Variants in ARNT2 observed in about 807,000 individuals in gnomAD.
ARNT2 encodes the protein aryl hydrocarbon receptor nuclear translocator 2.
A neutral mutation model predicts 91.7 loss-of-function variants in ARNT2; 36 were observed. That is an observed-to-expected ratio of 0.39 (90% CI 0.30 to 0.52). The LOEUF is 0.52. ARNT2 is among the 20% of genes least tolerant of loss of function. The probability of loss-of-function intolerance (pLI) is 0.72; values close to 1 mark genes in which losing one functional copy is unlikely to be tolerated. For synonymous variants in ARNT2, 365 were observed against 347.1 expected (o/e 1.05, Z -0.57); for missense variants, 775 against 939.3 (o/e 0.83, Z 2.29).
chr15:80,518,194 C>G (rs1897472845), intron 8 of ARNT2, among the ~76,000 whole-genome samples: 1 of 151,664 alleles, frequency 6.6e-6, no homozygotes, highest in South Asian at 2.1e-4. Context: ...GCTATAGGTT[C>G]CAGAGGCTAT....
At position 80,497,913 on chromosome 15, in the gene ARNT2, A is replaced by G. The variant is rs146064172; in HGVS notation, c.623-10243A>G. On this transcript the variant is annotated intron_variant, in intron 5 of 18. Transcript: ENST00000303329. ...GGGGAAGGGAAGGACTTTCTAATAC[A>G]CTTCGTGTTGTGATTCCACTTTCGT... 7.9e-5 allele frequency among the ~76,000 whole-genome samples: 12 copies of G among 152,336 alleles called. No individual in the cohort carries two copies. In the East Asian group the frequency reaches 2.3e-3, roughly 29 times the overall value.
chr15:80,488,223 T>G (rs1035019221), intron 5 of ARNT2, among the ~76,000 whole-genome samples: 9 of 152,024 alleles, frequency 5.9e-5, no homozygotes, highest in Admixed American at 6.6e-5. Context: ...AAAGAGGGAG[T>G]AGGCGGTGAA....
In ARNT2 at chr15:80,584,755, T is replaced by C. The variant is rs111949237; in HGVS notation, c.1918+3351T>C. ...TGGTGTGGCACTGATGGGTTCCCAGTCCTGACAGCACCCCACGGTACCTGG... is the reference window on the plus strand; with the variant it reads ...TGGTGTGGCACTGATGGGTTCCCAGCCCTGACAGCACCCCACGGTACCTGG... On this transcript the variant is annotated intron_variant, in intron 17 of 18. Coordinates refer to ENST00000303329, the MANE Select transcript of ARNT2 (RefSeq NM_014862.4). Among the ~76,000 whole-genome samples the C allele has an allele frequency of 6.4e-3, 979 of 152,300 alleles. 10 individuals carry two copies. Among genetic ancestry groups the C allele is most frequent in the African/African-American group, 0.021 (892 of 41,572 alleles).
chr15:80,406,373 A>G (rs1009243653), intron 1 of ARNT2, among the ~76,000 whole-genome samples: 4 of 152,240 alleles, frequency 2.6e-5, no homozygotes, highest in Non-Finnish European at 5.9e-5. Flanking sequence ...CTGAAGCTGC[A>G]ATTTCAACCC....
chr15:80,469,351 T>A (rs935682560), intron 3 of ARNT2, among the ~76,000 whole-genome samples: 9 of 152,190 alleles, frequency 5.9e-5, no homozygotes, highest in Non-Finnish European at 1.2e-4. Context: ...ACCTGTTTTG[T>A]TACTATGCTG....
chr15:80,412,945 A>G (rs559712919), intron 1 of ARNT2, among the ~76,000 whole-genome samples: 90 of 152,266 alleles, frequency 5.9e-4, no homozygotes, highest in African/African-American at 2.1e-3. Flanking sequence ...TGTGCCCCCT[A>G]TCCTTGGCAG....
intron 2 of ARNT2, among the ~76,000 whole-genome samples, chr15:80,451,360 C>T (rs1896387185): frequency 6.6e-6 from 1 of 152,374 alleles, no homozygotes; most frequent in Non-Finnish European, 1.5e-5. Flanking sequence ...AAAGATTCCA[C>T]CCTGGTGCTG....
intron 8 of ARNT2, among the ~76,000 whole-genome samples, chr15:80,532,368 T>A (rs750699733): frequency 2.6e-5 from 4 of 152,168 alleles, no homozygotes; most frequent in Non-Finnish European, 4.4e-5. Context: ...ATTTTCTCTT[T>A]AAAGGATCCT....
At chr15:80,560,819 C>G (rs891944536) in intron 11 of ARNT2, among the ~76,000 whole-genome samples, 1 of 152,216 alleles carries the variant, frequency 6.6e-6, no homozygotes, top group Non-Finnish European at 1.5e-5. Flanking sequence ...CCTGGCCTTA[C>G]TTACTCTGCA....
intron 8 of ARNT2, among the ~76,000 whole-genome samples, chr15:80,535,515 C>T (rs1442478473): frequency 6.6e-6 from 1 of 152,178 alleles, no homozygotes; most frequent in Non-Finnish European, 1.5e-5. Context: ...AGCATCTTCC[C>T]TGGATATATT....
At chr15:80,408,078 AT>A (rs1267344291) in intron 1 of ARNT2, among the ~76,000 whole-genome samples, 2 of 152,076 alleles carry the variant, frequency 1.3e-5, no homozygotes, top group Admixed American at 6.5e-5. Context: ...CAATTATTGG[AT>A]TTTTTCCCCA....
intron 11 of ARNT2, among the ~76,000 whole-genome samples, chr15:80,561,054 G>A (rs2141465256): frequency 6.6e-6 from 1 of 152,320 alleles, no homozygotes; most frequent in South Asian, 2.1e-4. Flanking sequence ...TGCTCTGAGA[G>A]CCTGCTCCTT....
chr15:80,559,703 A>C (rs934342102), intron 11 of ARNT2, among the ~76,000 whole-genome samples: 2 of 152,118 alleles, frequency 1.3e-5, no homozygotes, highest in African/African-American at 2.4e-5. Flanking sequence ...TTTACCTATA[A>C]GTCAAAAAGA....
intron 5 of ARNT2, among the ~76,000 whole-genome samples, chr15:80,480,194 C>A (rs956888929): frequency 7.2e-5 from 11 of 152,062 alleles, no homozygotes; most frequent in African/African-American, 9.7e-5. Flanking sequence ...ATCTGAGTGG[C>A]CTAAGCCCCA....
At chr15:80,481,595 T>G (rs1328364435) in intron 5 of ARNT2, among the ~76,000 whole-genome samples, 2 of 152,088 alleles carry the variant, frequency 1.3e-5, no homozygotes, top group African/African-American at 2.4e-5. Flanking sequence ...CACCTGTAGC[T>G]GCAGCTACTC....
chr15:80,431,832 G>A (rs960009946), intron 1 of ARNT2, among the ~76,000 whole-genome samples: 5 of 152,188 alleles, frequency 3.3e-5, no homozygotes, highest in Non-Finnish European at 5.9e-5. Flanking sequence ...AAGACCCCCT[G>A]GTGGCCGAAG....
chr15:80,444,643 TGTGC>T (rs1896261893), intron 1 of ARNT2: 1 of 152,336 alleles, frequency 6.6e-6, no homozygotes, highest in South Asian at 2.1e-4. Context: ...GTGTGATGTG[TGTGC>T]GTGGTGTGTG....
intron 15 of ARNT2, chr15:80,580,027 G>A (rs1257976083): frequency 5.5e-6 from 1 of 180,230 alleles, no homozygotes; most frequent in Non-Finnish European, 1.2e-5. Flanking sequence ...GAGCACAAAA[G>A]AGTGAGTGAA....
chr15:80,414,745 A>G (rs1260806504), intron 1 of ARNT2, among the ~76,000 whole-genome samples: 1 of 150,468 alleles, frequency 6.6e-6, no homozygotes, highest in East Asian at 1.9e-4. Flanking sequence ...GTGATCAAGG[A>G]TCACAGCTGT....
Sources: gnomAD v4.1 joint callset for allele counts (sites outside exome capture counted in the v4.1 genomes callset) on GRCh38, gnomAD v4.1.1 for gene constraint, MANE v1.5 for transcripts, NCBI Gene and HGNC (gene_info 2026-07-23, HGNC 2026-07-21) for gene names.